Variants in NLGN4Y observed in about 807,000 individuals in gnomAD.
The protein encoded by NLGN4Y is neuroligin 4 Y-linked, also known as neuroligin-4, Y-linked.
NLGN4Y carries 4 observed loss-of-function variants against 8.4 expected under a neutral mutation model. The ratio of observed to expected loss-of-function variants is 0.48; its 90% confidence interval spans 0.23 to 1.09. The LOEUF (loss-of-function observed/expected upper bound fraction) is 1.09, where lower values mean the gene tolerates loss of function less well. Among genes scored for constraint, NLGN4Y ranks in the 50% least tolerant of loss-of-function variants. NLGN4Y has a pLI of 0.19. For synonymous variants in NLGN4Y, 35 were observed against 75.6 expected, an observed-to-expected ratio of 0.46 and a Z score of 2.78; for missense variants, 90 against 192.3, an observed-to-expected ratio of 0.47 and a Z score of 3.15.
intron 4 of NLGN4Y, among the ~76,000 whole-genome samples, chrY:14,765,049 T>C (rs943974337): frequency 1.2e-3 from 39 of 33,905 alleles, no homozygotes; most frequent in African/African-American, 4.5e-3. Context: ...AATTCTTCCA[T>C]GATGTTTTTG....
At chrY:14,598,666 AG>A (rs2080415247) in intron 1 of NLGN4Y, among the ~76,000 whole-genome samples, 5 of 32,113 alleles carry the variant, frequency 1.6e-4, no homozygotes, top group Non-Finnish European at 7.6e-5. Context: ...GGGGTACTGA[AG>A]GGCTCCTCAA....
At chrY:14,592,690 A>G in intron 1 of NLGN4Y, among the ~76,000 whole-genome samples, 1 of 33,199 alleles carries the variant, frequency 3.0e-5, no homozygotes, top group African/African-American at 1.2e-4. Flanking sequence ...TTTGACCAAC[A>G]CTAGATCTCC....
chrY:14,598,840 C>G lies in NLGN4Y; in HGVS notation c.-111-23169C>G, dbSNP rs781283391. On this transcript the variant is annotated intron_variant, in intron 1 of 6. Transcript: ENST00000684976. ...GTAAGTGATGGAGACATTGATGGTT[C>G]TATTAGTCAGGGTTCTCTGGAGGGA... 1.1e-3 allele frequency among the ~76,000 whole-genome samples: 27 copies of G among 25,522 alleles called. No homozygotes were observed. The South Asian group carries it at 0.025, about 24-fold the overall frequency. 68.5% of individuals were successfully genotyped at this position (25,522 alleles called of 37,273 possible). A position where few individuals can be genotyped will look rare whatever the true frequency, so the allele number is the denominator to read the frequency against.
intron 4 of NLGN4Y, among the ~76,000 whole-genome samples, chrY:14,814,198 A>T: frequency 3.1e-5 from 1 of 32,596 alleles, no homozygotes; most frequent in East Asian, 8.2e-4. Context: ...CTGGCTTCAC[A>T]TACCAATAGA....
chrY:14,808,146 A>G, intron 4 of NLGN4Y, among the ~76,000 whole-genome samples: 1 of 33,117 alleles, frequency 3.0e-5, no homozygotes, highest in African/African-American at 1.2e-4. Flanking sequence ...ATTCTCATGC[A>G]TCAGATCCCC....
At chrY:14,683,324 G>A in intron 2 of NLGN4Y, among the ~76,000 whole-genome samples, 2 of 33,719 alleles carry the variant, frequency 5.9e-5, no homozygotes, top group Non-Finnish European at 1.5e-4. Context: ...ACTTCAGTTG[G>A]CATCCATTTA....
intron 5 of NLGN4Y, among the ~76,000 whole-genome samples, chrY:14,828,271 G>GTA (rs2043156172): frequency 6.6e-5 from 2 of 30,282 alleles, no homozygotes; most frequent in African/African-American, 1.3e-4. Flanking sequence ...ATGTGTGTGT[G>GTA]TATATATATA....
intron 1 of NLGN4Y, among the ~76,000 whole-genome samples, chrY:14,613,478 G>A (rs2080476669): frequency 3.0e-5 from 1 of 33,575 alleles, no homozygotes; most frequent in Non-Finnish European, 7.4e-5. Context: ...TAGGGTACAT[G>A]TGCACAACAT....
At chrY:14,547,100 A>G in intron 1 of NLGN4Y, among the ~76,000 whole-genome samples, 1 of 33,911 alleles carries the variant, frequency 2.9e-5, no homozygotes, top group Non-Finnish European at 7.3e-5. Flanking sequence ...TCTGTTCTTC[A>G]GGGATTCAGG....
intron 1 of NLGN4Y, among the ~76,000 whole-genome samples, chrY:14,576,493 CTTT>C (rs2080299667): frequency 3.0e-5 from 1 of 33,138 alleles, no homozygotes; most frequent in African/African-American, 1.2e-4. Flanking sequence ...TCTGTCATCC[CTTT>C]CTTTGACTAG....
At chrY:14,634,205 A>G (rs761253335) in intron 2 of NLGN4Y, among the ~76,000 whole-genome samples, 1 of 33,949 alleles carries the variant, frequency 2.9e-5, no homozygotes, top group East Asian at 7.8e-4. Context: ...TGGAATAGCT[A>G]CTGGTAAAAT....
intron 4 of NLGN4Y, among the ~76,000 whole-genome samples, chrY:14,806,630 G>GTT (rs2043058191): frequency 6.2e-5 from 2 of 32,072 alleles, no homozygotes; most frequent in Admixed American, 5.8e-4. Flanking sequence ...TCCATTTAAT[G>GTT]TTTTTGCTTT....
intron 4 of NLGN4Y, among the ~76,000 whole-genome samples, chrY:14,811,404 C>A (rs2043079372): frequency 3.0e-5 from 1 of 33,376 alleles, no homozygotes; most frequent in Non-Finnish European, 7.4e-5. Flanking sequence ...TGTCTGTGTA[C>A]ATATACATTC....
chrY:14,667,087 T>C (rs2080693986), intron 2 of NLGN4Y, among the ~76,000 whole-genome samples: 1 of 26,975 alleles, frequency 3.7e-5, no homozygotes, highest in African/African-American at 1.3e-4. Flanking sequence ...ATATGTACAC[T>C]GTGTGAATAT....
intron 1 of NLGN4Y, among the ~76,000 whole-genome samples, chrY:14,609,474 GT>G (rs2080458999): frequency 6.0e-5 from 2 of 33,393 alleles, no homozygotes; most frequent in South Asian, 6.7e-4. Flanking sequence ...ATAATCACAT[GT>G]TTTTTTGTCA....
At chrY:14,532,475 G>C (rs993601214) in intron 1 of NLGN4Y, among the ~76,000 whole-genome samples, 3 of 33,161 alleles carry the variant, frequency 9.0e-5, no homozygotes, top group Admixed American at 2.7e-4. Context: ...GAGGAGCTAG[G>C]TCTTATATAG....
At chrY:14,684,500 A>G (rs2080782497) in intron 2 of NLGN4Y, among the ~76,000 whole-genome samples, 1 of 32,743 alleles carries the variant, frequency 3.1e-5, no homozygotes, top group Non-Finnish European at 7.5e-5. Flanking sequence ...GTATGCAGAG[A>G]TTACATGTCA....
intron 2 of NLGN4Y, among the ~76,000 whole-genome samples, chrY:14,684,817 A>C (rs1603502693): frequency 8.9e-5 from 3 of 33,817 alleles, no homozygotes; most frequent in East Asian, 1.6e-3. Context: ...TCTCTTTGGA[A>C]AATGCAAATG....
At chrY:14,565,485 G>T in intron 1 of NLGN4Y, among the ~76,000 whole-genome samples, 1 of 32,187 alleles carries the variant, frequency 3.1e-5, no homozygotes, top group East Asian at 8.5e-4. Context: ...AGGATAAAAA[G>T]GAATGACCAA....
Sources: allele counts gnomAD v4.1 joint callset (sites outside exome capture counted in the v4.1 genomes callset), GRCh38; gene constraint gnomAD v4.1.1; transcripts MANE v1.5; gene names NCBI Gene and HGNC (gene_info 2026-07-23, HGNC 2026-07-21).